The following LONRF2 variants were observed in gnomAD, a reference collection of about 807,000 sequenced individuals.
The protein encoded by LONRF2 is LON peptidase N-terminal domain and ring finger 2, also known as LON peptidase N-terminal domain and RING finger protein 2.
Under a neutral mutation model 66.6 loss-of-function variants are expected in LONRF2, and 35 were observed. The observed-to-expected ratio is 0.53, with a 90% CI of 0.40 to 0.70. LONRF2 has a LOEUF of 0.70. LONRF2 is among the 30% of genes least tolerant of loss of function. LONRF2 has a pLI of 0.00. For synonymous variants in LONRF2, 417 were observed against 418.1 expected (o/e 1.00, Z 0.03); for missense variants, 902 against 1,002.1 (o/e 0.90, Z 1.35).
intron 6 of LONRF2, 107 bp downstream of exon 6, chr2:100,299,119 T>C (rs2105724247): frequency 1.1e-6 from 1 of 874,284 alleles, no homozygotes. Flanking sequence ...CAATTATTAC[T>C]GAGCTCTCCC....
chr2:100,315,835 T>C (rs11678158), intron 1 of LONRF2, among the ~76,000 whole-genome samples: 63,223 of 151,930 alleles, frequency 0.42, 14,448 homozygotes, highest in East Asian at 0.71. Flanking sequence ...CTTTATTTCC[T>C]TCTTTGTACT....
intron 9 of LONRF2, among the ~76,000 whole-genome samples, chr2:100,292,062 A>G (rs1335073761): frequency 6.6e-6 from 1 of 152,200 alleles, no homozygotes; most frequent in Non-Finnish European, 1.5e-5. Flanking sequence ...CAAACTAAAG[A>G]GCAGCGATGA....
Position 100,298,888 on chromosome 2 carries a change from C to T in LONRF2, c.1424G>A (p.Arg475His), listed in dbSNP as rs772883032. ...GHTFCLKCLE[R>H]CLDHAPHCPL... ...ACAGTGTGGGGCGTGGTCAAGGCAG[C>T]GCTCAAGGCATTTTAGGCAAAATGT... Residue 475 changes from arginine to histidine, a missense_variant, in exon 7 of 12, where the codon CGC becomes CAC. Arg to His is a conservative substitution (Grantham distance 29). This residue lies in a region of LONRF2 where 317 missense variants were observed against 432.2 expected (regional missense o/e 0.73). Transcript: ENST00000393437. The T allele has an allele frequency of 1.9e-6, 3 of 1,614,078 alleles. No individual in the cohort carries two copies. Among genetic ancestry groups the T allele is most frequent in the Non-Finnish European group, 2.5e-6 (3 of 1,180,006 alleles).
Position 100,286,904 on chromosome 2 carries a change from G to A in LONRF2, c.2070+10C>T. 1 of 1,612,408 alleles carries A rather than the reference G, an allele frequency of 6.2e-7. No individual in the cohort carries two copies. The highest frequency in any genetic ancestry group is 8.5e-7 in the Non-Finnish European group (1 of 1,179,190). ...GTAACAGAATTATAAAGGAAAAAGG[G>A]AGGGCATACCTGAGGCTCAGGTTCT... On this transcript the variant is annotated intron_variant, in intron 11 of 11. Coordinates refer to ENST00000393437, the MANE Select transcript of LONRF2 (RefSeq NM_198461.4).
At chr2:100,289,921 CA>C (rs1164658517) in intron 10 of LONRF2, among the ~76,000 whole-genome samples, 2 of 152,100 alleles carry the variant, frequency 1.3e-5, no homozygotes, top group East Asian at 3.9e-4. Context: ...CTGGGAAACA[CA>C]GGGAGACTCT....
chr2:100,281,064 T>C lies in LONRF2; in HGVS notation c.*3234A>G, dbSNP rs1423516646. 1 of 152,160 alleles carries C rather than the reference T, an allele frequency of 6.6e-6. No individual in the cohort carries two copies. 9.4% of individuals were successfully genotyped at this position (152,160 alleles called of 1,614,324 possible). ...GGTATTTTTTTAAAGCCCTTAAAAA[T>C]TATAACAAATTCTATGTAACACAGG... On this transcript the variant is annotated 3_prime_UTR_variant, in exon 12 of 12. Coordinates refer to ENST00000393437, the MANE Select transcript of LONRF2 (RefSeq NM_198461.4).
chr2:100,300,705 T>C lies in LONRF2; in HGVS notation c.1004A>G (p.Gln335Arg). The C allele has an allele frequency of 1.2e-6, 2 of 1,613,768 alleles. No homozygotes were observed. Among genetic ancestry groups the C allele is most frequent in the East Asian group, 4.5e-5 (2 of 44,886 alleles). ...CTGGGCATTCATGTGGCTGTGACCC[T>C]GAGCCTTTAATCTGCTTTGGATGGA... ...TSSIQSRLKA[Q>R]GHSHMNAQAL... The change falls in exon 4 of 12, where the codon CAG (glutamine) becomes CGG (arginine). Residue 335 changes from glutamine to arginine, a missense_variant. By Grantham distance (43) the Gln-to-Arg change is conservative (BLOSUM62 1). Transcript: ENST00000393437.
intron 1 of LONRF2, 35 bp from the exon 2 acceptor site, chr2:100,309,260 G>A (rs1300795763): frequency 7.2e-7 from 1 of 1,389,682 alleles, no homozygotes; most frequent in Non-Finnish European, 1.0e-6. Context: ...CAATAAAAAT[G>A]ACTGCATTTA....
chr2:100,285,764 C>A (rs989874971), intron 11 of LONRF2, among the ~76,000 whole-genome samples: 1 of 152,180 alleles, frequency 6.6e-6, no homozygotes, highest in East Asian at 1.9e-4. Context: ...GACTCTCCCC[C>A]ACAACCTCCA....
At position 100,294,806 on chromosome 2, in the gene LONRF2, G is replaced by A. The variant is rs145869969; in HGVS notation, c.1599-419C>T. ...AAAACTGTCAAGCCTGCTGTGATTC[G>A]CAATCCTGGGTATTAGTTCTCATTC... On this transcript the variant is annotated intron_variant, in intron 8 of 11. Transcript: ENST00000393437. Among the ~76,000 whole-genome samples the A allele has an allele frequency of 2.0e-5, 3 of 152,124 alleles. No individual in the cohort carries two copies. The East Asian group carries it at 5.8e-4, about 29-fold the overall frequency.
chr2:100,294,160 T>C (rs1051520431), intron 9 of LONRF2, 69 bp downstream of exon 9: 1 of 1,570,048 alleles, frequency 6.4e-7, no homozygotes, highest in Non-Finnish European at 8.7e-7. Context: ...GCCTAAATCA[T>C]TCTGCAAGAA....
chr2:100,322,200 C>T lies in LONRF2; in HGVS notation c.-107G>A. On this transcript the variant is annotated 5_prime_UTR_variant, in exon 1 of 12. Coordinates refer to ENST00000393437, the MANE Select transcript of LONRF2 (RefSeq NM_198461.4). ...GGAGCGCGGTCTCAGCCCTCGCCAGCAGCCACGCGCGTCTGGGGGCGGCGC... is the reference window on the plus strand; with the variant it reads ...GGAGCGCGGTCTCAGCCCTCGCCAGTAGCCACGCGCGTCTGGGGGCGGCGC... 8.9e-7 allele frequency: 1 copy of T among 1,119,092 alleles called. No individual in the cohort carries two copies. Among genetic ancestry groups the T allele is most frequent in the East Asian group, 3.5e-5 (1 of 28,438 alleles). 69.3% of individuals were successfully genotyped at this position (1,119,092 alleles called of 1,614,324 possible). A position where few individuals can be genotyped will look rare whatever the true frequency, so the allele number is the denominator to read the frequency against.
Position 100,299,338 on chromosome 2 carries a change from A to G in LONRF2, c.1268-19T>C. On this transcript the variant is annotated intron_variant, in intron 5 of 11. Coordinates refer to ENST00000393437, the MANE Select transcript of LONRF2 (RefSeq NM_198461.4). ...GAGAGATCTGAATGCGAAAAAATTT[A>G]AAACGCTGTAATTAACACCTAAGCA... 6.8e-7 allele frequency: 1 copy of G among 1,468,786 alleles called. No homozygotes were observed. Among genetic ancestry groups the G allele is most frequent in the Non-Finnish European group, 9.3e-7 (1 of 1,078,590 alleles). The allele number at this position is 1,468,786 out of a possible 1,614,324, so 91.0% of individuals were successfully genotyped here. A position where few individuals can be genotyped will look rare whatever the true frequency, so the allele number is the denominator to read the frequency against.
chr2:100,300,020 G>A (rs1007864656), intron 4 of LONRF2, 102 bp from the exon 5 acceptor site: 8 of 461,926 alleles, frequency 1.7e-5, no homozygotes, highest in African/African-American at 1.3e-4. Context: ...GAAAAAAAAA[G>A]GGGGGGGCAT....
At chr2:100,301,372 C>G (rs1364319160) in intron 3 of LONRF2, among the ~76,000 whole-genome samples, 1 of 152,204 alleles carries the variant, frequency 6.6e-6, no homozygotes. Flanking sequence ...TCCTGTCAAA[C>G]CTCATGGCTT....
At chr2:100,295,577 A>G (rs373912086) in intron 7 of LONRF2, 24 bp from the exon 8 acceptor site, 2 of 1,607,728 alleles carry the variant, frequency 1.2e-6, no homozygotes, top group African/African-American at 2.7e-5. Flanking sequence ...AAGTCAAATG[A>G]TACTGTATGG....
rs1053990786 is a variant in LONRF2, at chr2:100,275,121, C to T, written c.*9177G>A. The T allele has an allele frequency of 6.6e-6, 1 of 152,224 alleles. No homozygotes were observed. Among genetic ancestry groups the T allele is most frequent in the African/African-American group, 2.4e-5 (1 of 41,452 alleles). 9.4% of individuals were successfully genotyped at this position (152,224 alleles called of 1,614,324 possible). A position where few individuals can be genotyped will look rare whatever the true frequency, so the allele number is the denominator to read the frequency against. ...CTGCCAGTGTCTGTGACAGTCCAGC[C>T]TAAATTATAAGAGGACTGAGCTCAT... On this transcript the variant is annotated 3_prime_UTR_variant, in exon 12 of 12. Transcript: ENST00000393437.
rs1446002107 is a variant in LONRF2, at chr2:100,321,515, G to C, written c.579C>G (p.Ala193=). 3 of 1,550,434 alleles carry C rather than the reference G, an allele frequency of 1.9e-6. No individual in the cohort carries two copies. Among genetic ancestry groups the C allele is most frequent in the Non-Finnish European group, 2.6e-6 (3 of 1,160,424 alleles). ...LSGLLEKCFP[A]ECRLRRLAGQ... ...CTGCCAGCCTGCGCAGCCGGCACTC[G>C]GCCGGGAAGCACTTCTCCAGCAGGC... is the stretch of plus-strand genomic sequence containing the variant. The change falls in exon 1 of 12, where the codon GCC becomes GCG. Residue 193 remains alanine (A), a synonymous_variant. Coordinates refer to ENST00000393437, the MANE Select transcript of LONRF2 (RefSeq NM_198461.4).
chr2:100,313,232 C>T (rs971956163), intron 1 of LONRF2, among the ~76,000 whole-genome samples: 10 of 152,162 alleles, frequency 6.6e-5, no homozygotes, highest in African/African-American at 1.4e-4. Flanking sequence ...TGGTGGCTCA[C>T]GCCTGTAATC....
Sources: allele counts gnomAD v4.1 joint callset (sites outside exome capture counted in the v4.1 genomes callset), GRCh38; gene constraint gnomAD v4.1.1; regional missense constraint gnomAD v4.1.1; transcripts MANE v1.5; gene names NCBI Gene and HGNC (gene_info 2026-07-23, HGNC 2026-07-21).